The following PCDH15 variants were observed in gnomAD, a reference collection of about 807,000 sequenced individuals.
PCDH15 encodes protocadherin-15.
Under a neutral mutation model 178.5 loss-of-function variants are expected in PCDH15, and 129 were observed. The observed-to-expected ratio is 0.72, with a 90% confidence interval of 0.63 to 0.84. PCDH15 has a LOEUF of 0.84. PCDH15 is among the 40% of genes least tolerant of loss of function. The pLI is 0.00. For synonymous variants in PCDH15, 800 were observed against 732.0 expected (o/e 1.09, Z -1.50); for missense variants, 2,230 against 2,099.9 (o/e 1.06, Z -1.21).
At chr10:54,802,225 C>T (rs978105637), upstream of PCDH15, among the ~76,000 whole-genome samples, 1 of 152,142 alleles carries the variant, frequency 6.6e-6, no homozygotes, top group African/African-American at 2.4e-5. Flanking sequence ...GAAAACCATG[C>T]CTCCAGAAAT....
chr10:53,995,487 C>G, intron 21 of PCDH15, 162 bp downstream of exon 21: 2 of 1,300,524 alleles, frequency 1.5e-6, no homozygotes, highest in South Asian at 2.6e-5. Context: ...CTGAAATATG[C>G]TCTGTACCTG....
rs2051721465 is a variant in PCDH15, at chr10:54,213,967, T to A, written c.1067A>T (p.Asp356Val). 6.2e-7 allele frequency: 1 copy of A among 1,607,822 alleles called. No individual in the cohort carries two copies. Among genetic ancestry groups the A allele is most frequent in the African/African-American group, 1.3e-5 (1 of 74,878 alleles). ...ELSLLEPVNR[D>V]FHQKFDLVIK... ...AACCAAATCAAATTTCTGGTGAAAG[T>A]CTCTGTTTACTGGCTCCAGGAGACT... is the stretch of plus-strand genomic sequence containing the variant. The change falls in exon 10 of 38, where the codon GAC (aspartate) becomes GTC (valine). Residue 356 changes from aspartate to valine, a missense_variant. Coordinates refer to ENST00000644397, the MANE Select transcript of PCDH15 (RefSeq NM_001384140.1).
chr10:54,301,853 C>T (rs1272038035), intron 8 of PCDH15, among the ~76,000 whole-genome samples: 1 of 152,164 alleles, frequency 6.6e-6, no homozygotes, highest in Admixed American at 6.5e-5. Flanking sequence ...CCCACCACAT[C>T]TATAAGAGCT....
chr10:54,546,627 T>C (rs2085884906), intron 2 of PCDH15, among the ~76,000 whole-genome samples: 1 of 152,108 alleles, frequency 6.6e-6, no homozygotes. Flanking sequence ...TCACAAAGAT[T>C]CTAAATAGAA....
At chr10:53,982,002 T>G (rs2090689758) in intron 21 of PCDH15, among the ~76,000 whole-genome samples, 4 of 152,028 alleles carry the variant, frequency 2.6e-5, no homozygotes, top group South Asian at 4.2e-4. Context: ...ATCAAAAAGG[T>G]GGCAAAGGAT....
intron 2 of PCDH15, among the ~76,000 whole-genome samples, chr10:54,953,799 T>C (rs1384962464): frequency 6.6e-6 from 1 of 151,414 alleles, no homozygotes; most frequent in East Asian, 1.9e-4. Flanking sequence ...TAAAACTGTA[T>C]ATTAAGGACA....
chr10:53,867,133 C>T (rs548880924), intron 26 of PCDH15, among the ~76,000 whole-genome samples: 10 of 152,198 alleles, frequency 6.6e-5, no homozygotes, highest in Admixed American at 2.0e-4. Context: ...TTTCTCCCTA[C>T]CCCTCCTTTC....
chr10:54,000,036 C>T (rs532981245), intron 20 of PCDH15, among the ~76,000 whole-genome samples: 1 of 152,114 alleles, frequency 6.6e-6, no homozygotes, highest in African/African-American at 2.4e-5. Flanking sequence ...GGGAAAAGAA[C>T]AGGAGTTTCT....
At chr10:54,641,132 T>C (rs2093977708) in intron 2 of PCDH15, 1 of 233,044 alleles carries the variant, frequency 4.3e-6, no homozygotes, top group Non-Finnish European at 8.7e-6. Flanking sequence ...AAATTAAAAT[T>C]TTTTTAAAAG....
chr10:54,831,489 T>G lies in PCDH15; in HGVS notation c.-29+65961A>C, dbSNP rs73254081. Among the ~76,000 whole-genome samples, 560 of 152,240 alleles carry G rather than the reference T, an allele frequency of 3.7e-3. 1 individual carries two copies. The highest frequency in any genetic ancestry group is 0.013 in the African/African-American group (538 of 41,564). ...CATTGTGATGTCTGCTAACTTATAA[T>G]AATACATTTCTAACTTATTCCAAGT... On this transcript the variant is annotated intron_variant, in intron 3 of 5. Transcript: ENST00000458638.
chr10:54,051,030 C>T (rs951946922), intron 18 of PCDH15, among the ~76,000 whole-genome samples: 1 of 152,182 alleles, frequency 6.6e-6, no homozygotes, highest in Non-Finnish European at 1.5e-5. Context: ...GATGTGTGTG[C>T]TTCCCCTTCC....
intron 1 of PCDH15, among the ~76,000 whole-genome samples, chr10:54,763,469 T>C (rs1332828164): frequency 6.6e-6 from 1 of 152,114 alleles, no homozygotes; most frequent in Non-Finnish European, 1.5e-5. Context: ...AGAGTAATCA[T>C]GGAACTGTGT....
chr10:54,966,993 C>T (rs1838809944), intron 2 of PCDH15, among the ~76,000 whole-genome samples: 2 of 152,040 alleles, frequency 1.3e-5, no homozygotes, highest in South Asian at 2.1e-4. Flanking sequence ...AATGGTACAC[C>T]TGTATAGGGC....
chr10:53,955,121 C>G (rs764895331), intron 23 of PCDH15, among the ~76,000 whole-genome samples: 1 of 152,134 alleles, frequency 6.6e-6, no homozygotes, highest in African/African-American at 2.4e-5. Flanking sequence ...ATTCTCACAA[C>G]GTAATGTGAG....
At chr10:54,329,482 G>T in intron 7 of PCDH15, 114 bp downstream of exon 7, 1 of 754,558 alleles carries the variant, frequency 1.3e-6, no homozygotes, top group Non-Finnish European at 2.3e-6. Flanking sequence ...GGGCAGGAGT[G>T]CCCTGATGAA....
chr10:54,408,052 C>CA (rs71461239), intron 3 of PCDH15, among the ~76,000 whole-genome samples: 18,017 of 83,510 alleles, frequency 0.22, 1,950 homozygotes, highest in Middle Eastern at 0.44. Flanking sequence ...GAGACTCTGT[C>CA]AAAAAAAAAA....
chr10:53,809,057 T>C (rs1441094012), intron 37 of PCDH15: 1 of 1,612,088 alleles, frequency 6.2e-7, no homozygotes, highest in Admixed American at 1.7e-5. Flanking sequence ...ACCATGGGCC[T>C]TCTTCTTGCA....
At position 54,583,824 on chromosome 10, in the gene PCDH15, G is replaced by A. The variant is rs1019199176; in HGVS notation, c.92-55947C>T. Among the ~76,000 whole-genome samples, 140 of 152,022 alleles carry A rather than the reference G, an allele frequency of 9.2e-4. 3 individuals are homozygous for A. Among genetic ancestry groups the A allele is most frequent in the South Asian group, 1.0e-3 (5 of 4,830 alleles). ...AACACCTACCCAACAAACTTTCAAAGGTAGATCTATTTAGCTACCACCATT... is the reference window on the plus strand; with the variant it reads ...AACACCTACCCAACAAACTTTCAAAAGTAGATCTATTTAGCTACCACCATT... On this transcript the variant is annotated intron_variant, in intron 2 of 37. Transcript: ENST00000644397.
chr10:55,422,972 T>C (rs1190525267), intron 2 of PCDH15, among the ~76,000 whole-genome samples: 1 of 151,900 alleles, frequency 6.6e-6, no homozygotes, highest in African/African-American at 2.4e-5. Context: ...TTACTCCACA[T>C]AAAGTATGTC....
Sources: gnomAD v4.1 joint callset for allele counts (sites outside exome capture counted in the v4.1 genomes callset) on GRCh38, gnomAD v4.1.1 for gene constraint, MANE v1.5 for transcripts, NCBI Gene and HGNC (gene_info 2026-07-23, HGNC 2026-07-21) for gene names.